ASB15: variants seen among roughly 807,000 people sequenced by gnomAD.
ASB15 encodes ankyrin repeat and SOCS box containing 15, also known as ankyrin repeat and SOCS box protein 15.
A neutral mutation model predicts 58.0 loss-of-function variants in ASB15; 54 were observed. The ratio of observed to expected loss-of-function variants is 0.93; its 90% CI spans 0.75 to 1.17. The LOEUF is 1.17. Ranked by LOEUF, ASB15 falls within the 50% of genes most tolerant of loss-of-function variation. The probability of loss-of-function intolerance (pLI) is 0.00; values close to 1 mark genes in which losing one functional copy is unlikely to be tolerated. For synonymous variants in ASB15, 249 were observed against 262.4 expected, an observed-to-expected ratio of 0.95 and a Z score of 0.50; for missense variants, 680 against 707.4, an observed-to-expected ratio of 0.96 and a Z score of 0.44.
intron 2 of ASB15, among the ~76,000 whole-genome samples, chr7:123,605,044 G>GA (rs886520695): frequency 2.6e-5 from 4 of 151,998 alleles, no homozygotes; most frequent in African/African-American, 9.7e-5. Flanking sequence ...AACAAGATAT[G>GA]AAAAAATGCA....
chr7:123,628,781 T>C, intron 9 of ASB15, 83 bp from the exon 10 acceptor site: 7 of 913,446 alleles, frequency 7.7e-6, no homozygotes, highest in Non-Finnish European at 1.1e-5. Context: ...ACAACTTGCA[T>C]TCACTTATCT....
At chr7:123,605,903 A>T (rs1800126210) in intron 2 of ASB15, among the ~76,000 whole-genome samples, 2 of 152,218 alleles carry the variant, frequency 1.3e-5, no homozygotes, top group Admixed American at 6.5e-5. Flanking sequence ...TACTATGCCT[A>T]TTACCTGCAT....
intron 6 of ASB15, among the ~76,000 whole-genome samples, chr7:123,617,340 C>T (rs1800885933): frequency 6.6e-6 from 1 of 152,086 alleles, no homozygotes; most frequent in Non-Finnish European, 1.5e-5. Context: ...CTTAGCACAT[C>T]ATTTTCAAAA....
In ASB15 at chr7:123,602,108, A is replaced by G. The variant is rs150335815; in HGVS notation, c.-245+194A>G. ...CTAAAGCTAGAATTTGTTTGCTTATAGAATATCAACTCAATTGCATAATTA... is the reference window on the plus strand; with the variant it reads ...CTAAAGCTAGAATTTGTTTGCTTATGGAATATCAACTCAATTGCATAATTA... On this transcript the variant is annotated intron_variant, in intron 1 of 11. Coordinates refer to ENST00000451215, the MANE Select transcript of ASB15 (RefSeq NM_001290258.2). Among the ~76,000 whole-genome samples, 936 of 152,312 alleles carry G rather than the reference A, an allele frequency of 6.1e-3. 8 individuals are homozygous for G. The highest frequency in any genetic ancestry group is 0.022 in the African/African-American group (896 of 41,568).
chr7:123,621,423 T>A (rs1216690196), intron 7 of ASB15: 1 of 152,214 alleles, frequency 6.6e-6, no homozygotes, highest in African/African-American at 2.4e-5. Context: ...GTGGAACCCA[T>A]GCCAAGTCTT....
At chr7:123,570,956 A>G (rs2116268356) in intron 1 of ASB15, among the ~76,000 whole-genome samples, 1 of 152,318 alleles carries the variant, frequency 6.6e-6, no homozygotes, top group Admixed American at 6.5e-5. Flanking sequence ...CTCCTCTGGA[A>G]CTATGCCAAT....
upstream of ASB15, among the ~76,000 whole-genome samples, chr7:123,597,917 C>T (rs973259727): frequency 1.5e-5 from 2 of 132,974 alleles, no homozygotes; most frequent in Admixed American, 7.5e-5. Context: ...TTTCAAACTT[C>T]GTGTGTGTGT....
At position 123,628,856 on chromosome 7, in the gene ASB15, T is replaced by A. The variant is rs1195708302; in HGVS notation, c.870-8T>A. The A allele has an allele frequency of 6.7e-7, 1 of 1,492,258 alleles. No individual in the cohort carries two copies. The highest frequency in any genetic ancestry group is 9.0e-7 in the Non-Finnish European group (1 of 1,113,752). The allele number at this position is 1,492,258 out of a possible 1,614,324, so 92.4% of individuals were successfully genotyped here. ...ATGGCAAGTAGATATTTGACTTTTT[T>A]CTTTTAGTGCACTGAAATATCTTAT... On this transcript the variant is annotated splice_polypyrimidine_tract_variant and splice_region_variant and intron_variant, in intron 9 of 11. Transcript: ENST00000451215.
Position 123,614,594 on chromosome 7 carries a change from C to A in ASB15, c.92C>A (p.Ala31Glu), listed in dbSNP as rs149487129. The A allele has an allele frequency of 6.2e-7, 1 of 1,601,906 alleles. No individual in the cohort carries two copies. Among genetic ancestry groups the A allele is most frequent in the Admixed American group, 1.7e-5 (1 of 59,802 alleles). The stretch of plus-strand genomic sequence containing the variant: ...GAATCCATTGAAGCCAGCAAGACTG[C>A]ACTTTGTCCTGAAAGGTAGTATTCA... ...IQESIEASKT[A>E]LCPERFVPLS... Residue 31 changes from alanine (A) to glutamate (E), a missense_variant, in exon 4 of 12, where the codon GCA becomes GAA. Transcript: ENST00000451215.
chr7:123,585,251 A>G lies in ASB15; in HGVS notation c.-443+18163A>G, dbSNP rs73718430. ...TTAATTTTTAAATTTCTGAAAATTG[A>G]AAAATTTGTTGTTTCTTAAAAATAA... is the stretch of plus-strand genomic sequence containing the variant. On this transcript the variant is annotated intron_variant, in intron 1 of 13. Coordinates refer to the ASB15 transcript ENST00000451558. Among the ~76,000 whole-genome samples the G allele has an allele frequency of 7.7e-3, 1,170 of 151,896 alleles. 18 individuals are homozygous for G. Among genetic ancestry groups the G allele is most frequent in the African/African-American group, 0.027 (1,124 of 41,496 alleles).
intron 1 of ASB15, among the ~76,000 whole-genome samples, chr7:123,573,210 T>A (rs927523031): frequency 2.0e-5 from 3 of 152,046 alleles, no homozygotes; most frequent in Non-Finnish European, 2.9e-5. Context: ...TTAATTTTAT[T>A]TTCTAATATA....
At chr7:123,603,041 G>A (rs1368035689) in intron 1 of ASB15, among the ~76,000 whole-genome samples, 1 of 151,902 alleles carries the variant, frequency 6.6e-6, no homozygotes, top group Non-Finnish European at 1.5e-5. Context: ...CCCTATCACA[G>A]GTAAACACTC....
intron 1 of ASB15, among the ~76,000 whole-genome samples, chr7:123,579,955 C>T (rs988978565): frequency 1.3e-5 from 2 of 151,982 alleles, no homozygotes; most frequent in African/African-American, 4.8e-5. Flanking sequence ...TGTTACACCT[C>T]CTGTCCTTAA....
At chr7:123,599,120 C>T (rs1160720919), upstream of ASB15, among the ~76,000 whole-genome samples, 1 of 151,108 alleles carries the variant, frequency 6.6e-6, no homozygotes, top group Non-Finnish European at 1.5e-5. Flanking sequence ...TGGTCAAGTA[C>T]AAAAAAGAAA....
intron 6 of ASB15, among the ~76,000 whole-genome samples, chr7:123,617,360 G>C (rs1026049961): frequency 6.6e-6 from 1 of 151,950 alleles, no homozygotes; most frequent in African/African-American, 2.4e-5. Flanking sequence ...AAAGCAGCTA[G>C]AAACAGATTT....
Position 123,588,800 on chromosome 7 carries a change from A to G in ASB15, c.-442-15232A>G, listed in dbSNP as rs200541386. Among the ~76,000 whole-genome samples the G allele has an allele frequency of 4.6e-5, 7 of 150,600 alleles. No individual in the cohort carries two copies. The East Asian group carries it at 1.4e-3, about 29-fold the overall frequency. On this transcript the variant is annotated intron_variant, in intron 1 of 13. Transcript: ENST00000451558. ...TTTTTGTTTGTCTCAAGAGTTTTTA[A>G]ATTTCCCTTTTGATTTCTTTTTTGA...
upstream of ASB15, chr7:123,601,806 T>C (rs936425033): frequency 2.0e-5 from 3 of 152,146 alleles, no homozygotes; most frequent in Non-Finnish European, 2.9e-5. Flanking sequence ...AACCACCAAC[T>C]GGATACTTAA....
chr7:123,630,065 C>T lies in ASB15; in HGVS notation c.1540C>T (p.Leu514=). Residue 514 remains leucine (L), a synonymous_variant, in exon 11 of 12, where the codon CTG becomes TTG. Transcript: ENST00000451215. ...GGATTATGTTCCTCTGTGTGCTAAA[C>T]TGAAGTCTGCACTAGAAGTACAGAG... ...YMDYVPLCAK[L]KSALEVQREW... is the part of the protein sequence containing the mutation. 6.2e-7 allele frequency: 1 copy of T among 1,608,880 alleles called. No individual in the cohort carries two copies. Among genetic ancestry groups the T allele is most frequent in the Non-Finnish European group, 8.5e-7 (1 of 1,176,538 alleles).
Position 123,620,755 on chromosome 7 carries a change from G to C in ASB15, c.451+3018G>C, listed in dbSNP as rs563624872. 2.7e-3 allele frequency among the ~76,000 whole-genome samples: 400 copies of C among 149,388 alleles called. 2 individuals are homozygous for C. Among genetic ancestry groups the C allele is most frequent in the African/African-American group, 9.6e-3 (388 of 40,580 alleles). On this transcript the variant is annotated intron_variant, in intron 7 of 11. Transcript: ENST00000451215. ...TTTTTTGTATTTTTATTAGAGACAGGGTTTCACCATGTTAGCTAGGATGGT... is the reference window on the plus strand; with the variant it reads ...TTTTTTGTATTTTTATTAGAGACAGCGTTTCACCATGTTAGCTAGGATGGT...
Sources: gnomAD v4.1 joint callset for allele counts (sites outside exome capture counted in the v4.1 genomes callset) on GRCh38, gnomAD v4.1.1 for gene constraint, MANE v1.5 for transcripts, NCBI Gene and HGNC (gene_info 2026-07-23, HGNC 2026-07-21) for gene names.